The following FCGR2B variants were observed in gnomAD, a reference collection of about 807,000 sequenced individuals.
The protein encoded by FCGR2B is low affinity immunoglobulin gamma Fc region receptor II-b.
Under a neutral mutation model 24.8 loss-of-function variants are expected in FCGR2B, and 18 were observed. That is an observed-to-expected ratio of 0.73 (90% CI 0.50 to 1.08). The LOEUF is 1.08. FCGR2B is among the 50% of genes least tolerant of loss of function. The pLI is 0.00. For synonymous variants in FCGR2B, 79 were observed against 109.8 expected, an observed-to-expected ratio of 0.72 and a Z score of 1.75; for missense variants, 215 against 297.6, an observed-to-expected ratio of 0.72 and a Z score of 2.04.
the FCGR2B span, among the ~76,000 whole-genome samples, chr1:161,649,364 G>A: frequency 6.6e-6 from 1 of 150,860 alleles, no homozygotes; most frequent in African/African-American, 2.5e-5. Flanking sequence ...TAAAAGAAAA[G>A]TTTTGCAGAA....
At chr1:161,653,638 C>T in the FCGR2B span, among the ~76,000 whole-genome samples, 37,187 of 131,982 alleles carry the variant, frequency 0.28, 4,118 homozygotes, top group East Asian at 0.44. Context: ...GGTTAAAATA[C>T]GGTAGGGACT....
the FCGR2B span, among the ~76,000 whole-genome samples, chr1:161,653,260 G>C: frequency 7.5e-6 from 1 of 132,454 alleles, no homozygotes; most frequent in Non-Finnish European, 1.7e-5. Flanking sequence ...AAAATTAGCT[G>C]GGCATGGTGG....
Position 161,677,325 on chromosome 1 carries a change from C to T in FCGR2B, c.818-3C>T, listed in dbSNP as rs1290723185. 2.5e-6 allele frequency: 4 copies of T among 1,613,888 alleles called. No individual in the cohort carries two copies. The highest frequency in any genetic ancestry group is 1.1e-5 in the South Asian group (1 of 91,052). ...TGGCTGATATTTCTTCTTTTTCCCA[C>T]AGCCAATCCCACTAATCCTGATGAG... On this transcript the variant is annotated splice_polypyrimidine_tract_variant and splice_region_variant and intron_variant, in intron 6 of 7. Coordinates refer to ENST00000358671, the MANE Select transcript of FCGR2B (RefSeq NM_001394477.1).
rs1329233910 is a variant in FCGR2B at position 161,671,538 on chromosome 1, C to G, written c.280C>G (p.His94Asp). The change falls in exon 3 of 8, where the codon CAC becomes GAC. Residue 94 changes from histidine to aspartate, a missense_variant. This residue lies in a region of FCGR2B where 77 missense variants were observed against 68.8 expected (regional missense o/e 1.12). Transcript: ENST00000358671. The part of the protein sequence containing the change: ...WFHNGNLIPT[H>D]TQPSYRFKAN... Reference sequence around the variant, plus strand: ...CCACAATGGGAATCTCATTCCCACCCACACGCAGCCCAGCTACAGGTTCAA... The same window carrying G: ...CCACAATGGGAATCTCATTCCCACCGACACGCAGCCCAGCTACAGGTTCAA... 1 of 1,614,196 alleles carries G rather than the reference C, an allele frequency of 6.2e-7. No homozygotes were observed. The highest frequency in any genetic ancestry group is 8.5e-7 in the Non-Finnish European group (1 of 1,180,034).
At chr1:161,650,367 G>A in the FCGR2B span, among the ~76,000 whole-genome samples, 2 of 145,534 alleles carry the variant, frequency 1.4e-5, 1 homozygote, top group Non-Finnish European at 3.0e-5. Context: ...ATATATTAAT[G>A]TATCTTTCTA....
chr1:161,673,889 G>A (rs1386156996), intron 4 of FCGR2B, 71 bp from the exon 5 acceptor site: 2 of 446,922 alleles, frequency 4.5e-6, no homozygotes, highest in African/African-American at 2.2e-5. Context: ...ACAAGCACTA[G>A]GACATAGCAT....
At chr1:161,649,483 T>G in the FCGR2B span, among the ~76,000 whole-genome samples, 1 of 150,978 alleles carries the variant, frequency 6.6e-6, no homozygotes, top group Non-Finnish European at 1.5e-5. Flanking sequence ...TGGCAGAAGT[T>G]TAGCAGGGTG....
At chr1:161,661,280 A>AAGAAAGAGAG (rs1161727138), upstream of FCGR2B, among the ~76,000 whole-genome samples, 1 of 138,792 alleles carries the variant, frequency 7.2e-6, no homozygotes, top group Admixed American at 7.1e-5. Context: ...GCAAGAAAGG[A>AAGAAAGAGAG]AGAAAGAGAG....
chr1:161,661,222 GAAAGAA>G (rs1681032172), upstream of FCGR2B, among the ~76,000 whole-genome samples: 2 of 73,384 alleles, frequency 2.7e-5, no homozygotes, highest in Non-Finnish European at 6.5e-5. Flanking sequence ...AAGAAAGAAA[GAAAGAA>G]AGAAAGAAAG....
Position 161,671,880 on chromosome 1 carries a change from C to T in FCGR2B, c.391+231C>T, listed in dbSNP as rs1681697391. The T allele has an allele frequency of 1.0e-5, 8 of 762,610 alleles. No homozygotes were observed. In the South Asian group the frequency reaches 1.6e-4, roughly 15 times the overall value. 47.2% of individuals were successfully genotyped at this position (762,610 alleles called of 1,614,324 possible). A position where few individuals can be genotyped will look rare whatever the true frequency, so the allele number is the denominator to read the frequency against. On this transcript the variant is annotated intron_variant, in intron 3 of 7. Coordinates refer to ENST00000358671, the MANE Select transcript of FCGR2B (RefSeq NM_001394477.1). ...TGAGAGAAGCAGAAGGAAATCCCTA[C>T]TGCATAAAACCCATTTCCATTTTAA...
At chr1:161,648,303 T>C in the FCGR2B span, among the ~76,000 whole-genome samples, 1 of 147,290 alleles carries the variant, frequency 6.8e-6, no homozygotes, top group African/African-American at 2.5e-5. Context: ...TGTAAAATCA[T>C]TGAAGAATTT....
At chr1:161,648,093 G>T in the FCGR2B span, among the ~76,000 whole-genome samples, 7 of 150,438 alleles carry the variant, frequency 4.7e-5, no homozygotes, top group African/African-American at 1.7e-4. Flanking sequence ...GGCAAGCTTG[G>T]GGAAGTTAAG....
At chr1:161,648,781 C>T in the FCGR2B span, among the ~76,000 whole-genome samples, 1 of 150,652 alleles carries the variant, frequency 6.6e-6, no homozygotes, top group Non-Finnish European at 1.5e-5. Flanking sequence ...CCTCTATGTT[C>T]CAGGTTCAAG....
At position 161,675,442 on chromosome 1, in the gene FCGR2B, T is replaced by C. The variant is rs6670713; in HGVS notation, c.817+129T>C. 876 of 615,974 alleles carry C rather than the reference T, an allele frequency of 1.4e-3. 7 individuals carry two copies. The Admixed American group carries it at 0.02, about 14-fold the overall frequency. The allele number at this position is 615,974 out of a possible 1,614,324, so 38.2% of individuals were successfully genotyped here. A position where few individuals can be genotyped will look rare whatever the true frequency, so the allele number is the denominator to read the frequency against. On this transcript the variant is annotated intron_variant, in intron 6 of 7. Transcript: ENST00000358671. ...GAGGGAGCAGCAGTGGGAGGATGGC[T>C]GGGGCTCAAATCGCTTGGTCAGCTC... is the stretch of plus-strand genomic sequence containing the variant.
chr1:161,673,488 A>G, intron 4 of FCGR2B: 1 of 725,006 alleles, frequency 1.4e-6, no homozygotes, highest in Non-Finnish European at 2.5e-6. Context: ...ACGGCAGCGA[A>G]GCAGAGCTCC....
the FCGR2B span, among the ~76,000 whole-genome samples, chr1:161,651,939 CTGAAA>C: frequency 3.3e-5 from 2 of 59,768 alleles, 1 homozygote; most frequent in Non-Finnish European, 7.6e-5. Flanking sequence ...ATCTCAAAAA[CTGAAA>C]TAAAATAAAA....
At chr1:161,650,551 T>A in the FCGR2B span, among the ~76,000 whole-genome samples, 1 of 147,522 alleles carries the variant, frequency 6.8e-6, no homozygotes, top group Admixed American at 6.8e-5. Context: ...TGGCCTCCAC[T>A]CAATAGATGC....
intron 1 of FCGR2B, among the ~76,000 whole-genome samples, chr1:161,669,722 T>C (rs1379329651): frequency 8.1e-5 from 10 of 122,908 alleles, no homozygotes; most frequent in African/African-American, 2.8e-4. Flanking sequence ...TTTACACTTA[T>C]GTATGTCTGT....
In FCGR2B at chr1:161,671,273, C is replaced by T. The variant is rs557173970; in HGVS notation, c.134-119C>T. 425 of 1,524,296 alleles carry T rather than the reference C, an allele frequency of 2.8e-4. 4 individuals carry two copies. In the South Asian group the frequency reaches 3.2e-3, roughly 12 times the overall value. The allele number at this position is 1,524,296 out of a possible 1,614,324, so 94.4% of individuals were successfully genotyped here. On this transcript the variant is annotated intron_variant, in intron 2 of 7. Coordinates refer to ENST00000358671, the MANE Select transcript of FCGR2B (RefSeq NM_001394477.1). ...CCTTCAGTTGCAGAACCATTCTGGG[C>T]CTGGCTCGGCTTTTGGTGCCCCTAG...
Sources: allele counts gnomAD v4.1 joint callset (sites outside exome capture counted in the v4.1 genomes callset), GRCh38; gene constraint gnomAD v4.1.1; regional missense constraint gnomAD v4.1.1; transcripts MANE v1.5; gene names NCBI Gene and HGNC (gene_info 2026-07-23, HGNC 2026-07-21).